The following ZFHX3 variants were observed in gnomAD, a reference collection of about 807,000 sequenced individuals.
ZFHX3 encodes the protein zinc finger homeobox 3.
A neutral mutation model predicts 279.1 loss-of-function variants in ZFHX3; 42 were observed. The ratio of observed to expected loss-of-function variants is 0.15; its 90% CI spans 0.12 to 0.19. The LOEUF (loss-of-function observed/expected upper bound fraction) is 0.19, where lower values mean the gene tolerates loss of function less well. Ranked by LOEUF, ZFHX3 falls within the 10% of genes least tolerant of loss-of-function variation. ZFHX3 has a pLI of 1.00. For missense variants in ZFHX3, 4,981 were observed against 4,754.0 expected, an observed-to-expected ratio of 1.05 and a Z score of -1.40; for synonymous variants, 2,293 against 1,957.8, an observed-to-expected ratio of 1.17 and a Z score of -4.52.
At chr16:73,027,963 C>T (rs1023674996) in intron 1 of ZFHX3, among the ~76,000 whole-genome samples, 4 of 152,168 alleles carry the variant, frequency 2.6e-5, no homozygotes, top group Non-Finnish European at 5.9e-5. Context: ...CCATATTTCA[C>T]AGAGCCGGGC....
intron 1 of ZFHX3, among the ~76,000 whole-genome samples, chr16:73,838,810 GGTGT>G (rs1344129196): frequency 6.6e-6 from 1 of 151,832 alleles, no homozygotes; most frequent in Non-Finnish European, 1.5e-5. Flanking sequence ...ACGCATGTAT[GGTGT>G]GTACCGCTAG....
intron 8 of ZFHX3, among the ~76,000 whole-genome samples, chr16:73,085,985 C>CAAAAAAAAAAAAAAAAAAAAAAAATAA (rs57128744): frequency 1.8e-5 from 1 of 54,230 alleles, no homozygotes; most frequent in African/African-American, 6.1e-5. Flanking sequence ...AACTCAATTG[C>CAAAAAAAAAAAAAAAAAAAAAAAATAA]AAAAAAAAAA....
chr16:73,016,407 A>T (rs1190233910), intron 1 of ZFHX3, among the ~76,000 whole-genome samples: 2 of 152,120 alleles, frequency 1.3e-5, no homozygotes, highest in African/African-American at 4.8e-5. Flanking sequence ...ACAAAACATA[A>T]CCACCTTTCA....
chr16:73,567,041 G>A (rs2020462093), intron 2 of ZFHX3, among the ~76,000 whole-genome samples: 1 of 151,832 alleles, frequency 6.6e-6, no homozygotes, highest in South Asian at 2.1e-4. Context: ...AGATAGGGGG[G>A]TATCCCTTTG....
chr16:73,174,719 T>C (rs1454285871), intron 5 of ZFHX3, among the ~76,000 whole-genome samples: 5 of 152,064 alleles, frequency 3.3e-5, no homozygotes, highest in African/African-American at 1.2e-4. Context: ...GAGGGATCCT[T>C]TAAAAACCCA....
At chr16:73,641,167 C>A (rs2052569734) in intron 2 of ZFHX3, among the ~76,000 whole-genome samples, 1 of 152,116 alleles carries the variant, frequency 6.6e-6, no homozygotes, top group African/African-American at 2.4e-5. Context: ...CCTCCCAACA[C>A]GTGTTTTCTG....
intron 6 of ZFHX3, among the ~76,000 whole-genome samples, chr16:73,136,725 CAAAAAA>C (rs397855836): frequency 7.2e-5 from 3 of 41,618 alleles, no homozygotes; most frequent in Non-Finnish European, 1.3e-4. Context: ...GACTCTGCCT[CAAAAAA>C]AAAAAAAAAA....
chr16:73,329,191 G>A (rs974413500), intron 3 of ZFHX3, among the ~76,000 whole-genome samples: 1 of 152,196 alleles, frequency 6.6e-6, no homozygotes, highest in Non-Finnish European at 1.5e-5. Flanking sequence ...TAAGGGTGGC[G>A]AACCAGATTC....
chr16:72,799,353 C>T (rs137887118), intron 8 of ZFHX3, among the ~76,000 whole-genome samples: 373 of 152,248 alleles, frequency 2.4e-3, no homozygotes, highest in African/African-American at 8.5e-3. Flanking sequence ...GATCATCACA[C>T]TCATAAATAC....
At chr16:73,163,012 T>G (rs966296069) in intron 5 of ZFHX3, among the ~76,000 whole-genome samples, 3 of 152,240 alleles carry the variant, frequency 2.0e-5, no homozygotes, top group African/African-American at 4.8e-5. Context: ...AGGTGTTTTC[T>G]GTAGCTTTTC....
At chr16:73,115,564 C>T (rs1412789732) in intron 7 of ZFHX3, among the ~76,000 whole-genome samples, 1 of 151,920 alleles carries the variant, frequency 6.6e-6, no homozygotes, top group Non-Finnish European at 1.5e-5. Flanking sequence ...GTCCAATGTC[C>T]ATACTTGGCT....
chr16:73,553,745 C>A (rs902922188), intron 2 of ZFHX3, among the ~76,000 whole-genome samples: 1 of 152,206 alleles, frequency 6.6e-6, no homozygotes, highest in Non-Finnish European at 1.5e-5. Context: ...CTAGATAGCA[C>A]CATAGACTCC....
intron 2 of ZFHX3, among the ~76,000 whole-genome samples, chr16:73,630,013 C>T (rs151110157): frequency 1.7e-4 from 26 of 152,170 alleles, no homozygotes; most frequent in African/African-American, 6.0e-4. Flanking sequence ...TCACTAAAAC[C>T]ATCCCCGGCC....
intron 1 of ZFHX3, among the ~76,000 whole-genome samples, chr16:73,770,573 A>C (rs2142291913): frequency 6.6e-6 from 1 of 152,360 alleles, no homozygotes; most frequent in South Asian, 2.1e-4. Context: ...CTCAAGCATA[A>C]GAGTCATAAA....
At chr16:73,058,128 G>A (rs1965603539) in intron 1 of ZFHX3, among the ~76,000 whole-genome samples, 1 of 145,718 alleles carries the variant, frequency 6.9e-6, no homozygotes, top group Non-Finnish European at 1.5e-5. Context: ...CTGCCTGGCG[G>A]CGCCTCCAAA....
intron 5 of ZFHX3, among the ~76,000 whole-genome samples, chr16:72,818,750 C>A (rs1195535783): frequency 6.6e-6 from 1 of 152,202 alleles, no homozygotes; most frequent in Non-Finnish European, 1.5e-5. Context: ...AAGTTAAGAA[C>A]CTTCTATTCA....
At chr16:72,887,763 G>A (rs1015709797) in intron 4 of ZFHX3, among the ~76,000 whole-genome samples, 4 of 151,804 alleles carry the variant, frequency 2.6e-5, no homozygotes, top group African/African-American at 9.7e-5. Flanking sequence ...GGGTGTGTGA[G>A]TGTATACAGG....
At chr16:72,966,956 G>A (rs967667498) in intron 1 of ZFHX3, among the ~76,000 whole-genome samples, 2 of 152,226 alleles carry the variant, frequency 1.3e-5, no homozygotes, top group Non-Finnish European at 2.9e-5. Context: ...CCAGGGGGCT[G>A]TATCAGGCAG....
intron 3 of ZFHX3, among the ~76,000 whole-genome samples, chr16:72,911,253 A>T (rs1312642721): frequency 6.6e-6 from 1 of 152,230 alleles, no homozygotes; most frequent in Non-Finnish European, 1.5e-5. Context: ...TTGGTAGAAA[A>T]AGGTAAAATT....
Sources: gnomAD v4.1 joint callset for allele counts (sites outside exome capture counted in the v4.1 genomes callset) on GRCh38, gnomAD v4.1.1 for gene constraint, MANE v1.5 for transcripts, NCBI Gene and HGNC (gene_info 2026-07-23, HGNC 2026-07-21) for gene names.